The following PHLDB2 variants were observed in gnomAD, a reference collection of about 807,000 sequenced individuals.
PHLDB2 encodes the protein pleckstrin homology like domain family B member 2.
A neutral mutation model predicts 123.6 loss-of-function variants in PHLDB2; 71 were observed. The ratio of observed to expected loss-of-function variants is 0.57; its 90% CI spans 0.47 to 0.70. The LOEUF is 0.70. PHLDB2 is among the 30% of genes least tolerant of loss of function. The pLI, the probability that PHLDB2 is intolerant of heterozygous loss-of-function variation, is 0.00. For synonymous variants in PHLDB2, 547 were observed against 541.6 expected, an observed-to-expected ratio of 1.01 and a Z score of -0.14; for missense variants, 1,446 against 1,519.5, an observed-to-expected ratio of 0.95 and a Z score of 0.80.
chr3:111,778,067 C>T (rs924851444), intron 1 of PHLDB2, among the ~76,000 whole-genome samples: 2 of 152,108 alleles, frequency 1.3e-5, no homozygotes, highest in African/African-American at 4.8e-5. Flanking sequence ...CTTGGGCACT[C>T]ATACAACCTC....
At chr3:111,865,312 T>C (rs535559489) in intron 1 of PHLDB2, among the ~76,000 whole-genome samples, 2 of 152,362 alleles carry the variant, frequency 1.3e-5, no homozygotes, top group South Asian at 4.1e-4. Flanking sequence ...ACCATAACTC[T>C]GACCAGGCCT....
At chr3:111,898,182 T>TTTGTGTG (rs2066985133) in intron 2 of PHLDB2, among the ~76,000 whole-genome samples, 41 of 142,656 alleles carry the variant, frequency 2.9e-4, no homozygotes, top group African/African-American at 8.9e-4. Flanking sequence ...GTGTGTGTGT[T>TTTGTGTG]TGTGTGTGTG....
intron 1 of PHLDB2, among the ~76,000 whole-genome samples, chr3:111,834,205 A>ATATATAT (rs2063255898): frequency 4.1e-5 from 2 of 48,420 alleles, no homozygotes; most frequent in African/African-American, 1.3e-4. Flanking sequence ...ATAGAATTAT[A>ATATATAT]TATGTAATAG....
chr3:111,939,696 C>A (rs2069736917), intron 7 of PHLDB2, 66 bp downstream of exon 7: 1 of 1,459,038 alleles, frequency 6.9e-7, no homozygotes, highest in Admixed American at 2.0e-5. Flanking sequence ...ATAGCTATGA[C>A]ATATGTCTGT....
intron 1 of PHLDB2, among the ~76,000 whole-genome samples, chr3:111,841,891 T>C (rs143804417): frequency 5.3e-4 from 80 of 152,254 alleles, no homozygotes; most frequent in African/African-American, 1.9e-3. Flanking sequence ...GATGTTGGCA[T>C]TTGTGCGGAA....
At chr3:111,867,779 G>T (rs1338136104) in intron 1 of PHLDB2, among the ~76,000 whole-genome samples, 1 of 152,000 alleles carries the variant, frequency 6.6e-6, no homozygotes, top group Non-Finnish European at 1.5e-5. Flanking sequence ...TTGGCTTACT[G>T]CAGCCTTGGT....
chr3:111,837,758 C>T (rs1359073611), intron 1 of PHLDB2, among the ~76,000 whole-genome samples: 8 of 152,108 alleles, frequency 5.3e-5, no homozygotes, highest in Admixed American at 5.2e-4. Flanking sequence ...TATTACTGAA[C>T]CTGGCCGGGC....
At chr3:111,754,268 C>T (rs1174640214) in intron 1 of PHLDB2, among the ~76,000 whole-genome samples, 1 of 144,814 alleles carries the variant, frequency 6.9e-6, no homozygotes, top group Non-Finnish European at 1.5e-5. Context: ...GATATTGATT[C>T]TTCCTACCCA....
chr3:111,902,561 A>G (rs1490945612), intron 2 of PHLDB2, among the ~76,000 whole-genome samples: 1 of 152,242 alleles, frequency 6.6e-6, no homozygotes, highest in Non-Finnish European at 1.5e-5. Context: ...TAAAACAGGC[A>G]CATAGCCAGA....
At chr3:111,878,176 A>T (rs940746499) in intron 1 of PHLDB2, among the ~76,000 whole-genome samples, 2 of 152,296 alleles carry the variant, frequency 1.3e-5, no homozygotes, top group South Asian at 4.1e-4. Flanking sequence ...GATTATTCCT[A>T]TCCGTTAGCA....
At chr3:111,958,510 G>T (rs1392931943) in intron 12 of PHLDB2, among the ~76,000 whole-genome samples, 1 of 152,140 alleles carries the variant, frequency 6.6e-6, no homozygotes, top group East Asian at 1.9e-4. Flanking sequence ...AGAATTAATA[G>T]AGACTGGCAT....
chr3:111,853,474 T>C (rs1282980), intron 2 of PHLDB2, among the ~76,000 whole-genome samples: 29,764 of 152,132 alleles, frequency 0.2, 2,981 homozygotes, highest in Admixed American at 0.26. Flanking sequence ...TCATTATCAA[T>C]AGTTCCAGAA....
chr3:111,905,844 T>A (rs972610393), intron 2 of PHLDB2, among the ~76,000 whole-genome samples: 1 of 152,260 alleles, frequency 6.6e-6, no homozygotes, highest in African/African-American at 2.4e-5. Flanking sequence ...TTATAATCTT[T>A]TTTTTTCCTT....
At chr3:111,772,053 C>T (rs1261099576) in intron 1 of PHLDB2, among the ~76,000 whole-genome samples, 1 of 67,542 alleles carries the variant, frequency 1.5e-5, no homozygotes, top group Admixed American at 1.9e-4. Context: ...GTATAAAATA[C>T]CTTCTGCTCC....
In PHLDB2 at chr3:111,949,627, C is replaced by CT. The variant is rs1452041760; in HGVS notation, c.2631+553dup. ...TTAAAATATAACAAAACAGAACAAACTATCAATTTCATTTCTATGTCTTAT... is the reference window on the plus strand; with the variant it reads ...TTAAAATATAACAAAACAGAACAAACTTATCAATTTCATTTCTATGTCTTAT... On this transcript the variant is annotated intron_variant, in intron 10 of 17. Transcript: ENST00000431670. 3.9e-6 allele frequency: 3 copies of CT among 767,930 alleles called. No individual in the cohort carries two copies. The African/African-American group carries it at 5.7e-5, about 15-fold the overall frequency. 47.6% of individuals were successfully genotyped at this position (767,930 alleles called of 1,614,324 possible). A position where few individuals can be genotyped will look rare whatever the true frequency, so the allele number is the denominator to read the frequency against.
At chr3:111,755,862 C>T (rs1428345617) in intron 1 of PHLDB2, among the ~76,000 whole-genome samples, 8 of 151,084 alleles carry the variant, frequency 5.3e-5, no homozygotes, top group Non-Finnish European at 1.0e-4. Flanking sequence ...TCTTTGTTCT[C>T]ATTGGTTTCA....
At position 111,913,546 on chromosome 3, in the gene PHLDB2, C is replaced by G; in HGVS notation, c.1563C>G (p.Ser521Arg). 6.2e-7 allele frequency: 1 copy of G among 1,614,140 alleles called. No homozygotes were observed. Among genetic ancestry groups the G allele is most frequent in the Non-Finnish European group, 8.5e-7 (1 of 1,180,008 alleles). ...KDSLPDADLA[S>R]CGSLSQSSAS... ...CCCTCCCTGATGCAGACTTGGCAAG[C>G]TGTGGGAGTCTCAGTCAGAGCAGTG... Residue 521 changes from serine to arginine, a missense_variant, in exon 3 of 18, where the codon AGC (serine) becomes AGG (arginine). Coordinates refer to ENST00000431670, the MANE Select transcript of PHLDB2 (RefSeq NM_001134438.2).
chr3:111,834,486 A>C (rs567961816), intron 1 of PHLDB2, among the ~76,000 whole-genome samples: 92 of 150,874 alleles, frequency 6.1e-4, no homozygotes, highest in African/African-American at 2.2e-3. Context: ...CCTCATTTTC[A>C]TATCATTTGA....
chr3:111,761,946 C>T (rs530343418), intron 1 of PHLDB2, among the ~76,000 whole-genome samples: 1 of 152,224 alleles, frequency 6.6e-6, no homozygotes, highest in Admixed American at 6.5e-5. Context: ...CCCAGCCTGA[C>T]ATTTCCTTAA....
Sources: gnomAD v4.1 joint callset for allele counts (sites outside exome capture counted in the v4.1 genomes callset) on GRCh38, gnomAD v4.1.1 for gene constraint, MANE v1.5 for transcripts, NCBI Gene and HGNC (gene_info 2026-07-23, HGNC 2026-07-21) for gene names.